Variants in PPP1R12A observed in about 807,000 individuals in gnomAD.
PPP1R12A encodes myosin binding subunit.
Under a neutral mutation model 139.6 loss-of-function variants are expected in PPP1R12A, and 19 were observed. The ratio of observed to expected loss-of-function variants is 0.14; its 90% CI spans 0.09 to 0.20. PPP1R12A has a LOEUF of 0.20. PPP1R12A is among the 10% of genes least tolerant of loss of function. PPP1R12A has a pLI of 1.00. For missense variants in PPP1R12A, 925 were observed against 1,211.5 expected (o/e 0.76, Z 3.51); for synonymous variants, 427 against 420.6 (o/e 1.02, Z -0.19).
intron 3 of PPP1R12A, among the ~76,000 whole-genome samples, chr12:79,833,651 C>G (rs1045563452): frequency 7.4e-6 from 1 of 135,768 alleles, no homozygotes; most frequent in Non-Finnish European, 1.6e-5. Flanking sequence ...ATGGTGACAC[C>G]CCGTCTCTAC....
Position 79,807,299 on chromosome 12 carries a change from A to G in PPP1R12A, c.1582T>C (p.Tyr528His). The change falls in exon 12 of 25, where the codon TAT (tyrosine) becomes CAT (histidine). Residue 528 changes from tyrosine to histidine, a missense_variant. This residue lies in a region of PPP1R12A where 403 missense variants were observed against 463.7 expected (regional missense o/e 0.87). Coordinates refer to ENST00000450142, the MANE Select transcript of PPP1R12A (RefSeq NM_002480.3). ...TCATCTTCCCATTTTCTCCTTGTAT[A>G]TGAACTACTTGTTCGCAAACTTGAA... is the stretch of plus-strand genomic sequence containing the variant. ...DSSSLRTSSS[Y>H]TRRKWEDDLK... 6.4e-7 allele frequency: 1 copy of G among 1,555,532 alleles called. No homozygotes were observed. Among genetic ancestry groups the G allele is most frequent in the Admixed American group, 1.9e-5 (1 of 51,476 alleles).
chr12:79,822,203 CA>C lies in PPP1R12A; in HGVS notation c.793-14del. On this transcript the variant is annotated splice_polypyrimidine_tract_variant and intron_variant, in intron 5 of 24. Coordinates refer to ENST00000450142, the MANE Select transcript of PPP1R12A (RefSeq NM_002480.3). The stretch of plus-strand genomic sequence containing the variant: ...AGGCTGTTTGGCCCTACGTAGGAAA[CA>C]AGGGGGGATGGTGATGGTCAAAAGT... 6.4e-7 allele frequency: 1 copy of C among 1,558,202 alleles called. No homozygotes were observed. Among genetic ancestry groups the C allele is most frequent in the South Asian group, 1.2e-5 (1 of 86,302 alleles).
At chr12:79,933,058 T>C (rs1888366329) in intron 1 of PPP1R12A, among the ~76,000 whole-genome samples, 1 of 152,184 alleles carries the variant, frequency 6.6e-6, no homozygotes, top group African/African-American at 2.4e-5. Flanking sequence ...TGCCAAAAGT[T>C]TCCTTCATTC....
chr12:79,898,959 C>T lies in PPP1R12A; in HGVS notation c.238-26021G>A, dbSNP rs912647146. ...ATTTTATTGTATGAAAATGTGCAAA[C>T]ATATAGCAAAGTTGAAAGAATTTTA... On this transcript the variant is annotated intron_variant, in intron 1 of 24. Transcript: ENST00000450142. 3.3e-5 allele frequency among the ~76,000 whole-genome samples: 5 copies of T among 152,018 alleles called. 1 individual carries two copies. Among genetic ancestry groups the T allele is most frequent in the Non-Finnish European group, 7.4e-5 (5 of 68,008 alleles).
rs562542223 is a variant in PPP1R12A at position 79,790,920 on chromosome 12, C to T, written c.2650-437G>A. Among the ~76,000 whole-genome samples, 20 of 152,152 alleles carry T rather than the reference C, an allele frequency of 1.3e-4. No homozygotes were observed. In the South Asian group the frequency reaches 4.2e-3, roughly 32 times the overall value. On this transcript the variant is annotated intron_variant, in intron 19 of 24. Coordinates refer to ENST00000450142, the MANE Select transcript of PPP1R12A (RefSeq NM_002480.3). The stretch of plus-strand genomic sequence containing the variant: ...TTCTTAATTTAAATATTAGTGATTT[C>T]CCATTATATTTATCTTTGGAGATAC...
intron 1 of PPP1R12A, among the ~76,000 whole-genome samples, chr12:79,890,789 T>C (rs1884512758): frequency 6.6e-6 from 1 of 151,828 alleles, no homozygotes; most frequent in African/African-American, 2.4e-5. Flanking sequence ...GACATAAGCA[T>C]ACACATAGAT....
At chr12:79,837,191 A>C (rs532105898) in intron 3 of PPP1R12A, among the ~76,000 whole-genome samples, 1 of 152,160 alleles carries the variant, frequency 6.6e-6, no homozygotes, top group Non-Finnish European at 1.5e-5. Context: ...AATAATATAT[A>C]ATAAAACTAA....
intron 1 of PPP1R12A, among the ~76,000 whole-genome samples, chr12:79,896,340 T>C (rs1336527691): frequency 6.6e-6 from 1 of 152,144 alleles, no homozygotes; most frequent in Non-Finnish European, 1.5e-5. Context: ...ATTTTATTTA[T>C]TTATTTGTTT....
At chr12:79,831,577 G>A (rs1270223281) in intron 4 of PPP1R12A, among the ~76,000 whole-genome samples, 1 of 152,068 alleles carries the variant, frequency 6.6e-6, no homozygotes, top group Non-Finnish European at 1.5e-5. Context: ...CTAATGAGTG[G>A]GAATAAGAAA....
At chr12:79,873,514 A>AC in intron 1 of PPP1R12A, among the ~76,000 whole-genome samples, 1 of 151,606 alleles carries the variant, frequency 6.6e-6, no homozygotes, top group Non-Finnish European at 1.5e-5. Context: ...AAAAAAAAAA[A>AC]ACATTGCTAA....
At chr12:79,857,797 T>C (rs577435363) in intron 2 of PPP1R12A, among the ~76,000 whole-genome samples, 5 of 152,086 alleles carry the variant, frequency 3.3e-5, no homozygotes, top group Non-Finnish European at 5.9e-5. Context: ...TCAAATCTCA[T>C]AGTGCCCAAT....
At chr12:79,927,961 G>C (rs758261753) in intron 1 of PPP1R12A, among the ~76,000 whole-genome samples, 88 of 152,280 alleles carry the variant, frequency 5.8e-4, no homozygotes, top group Non-Finnish European at 9.4e-4. Flanking sequence ...TTTGCAGGCA[G>C]AGGCAATGAA....
At chr12:79,900,083 T>C (rs1309185130) in intron 1 of PPP1R12A, among the ~76,000 whole-genome samples, 2 of 152,206 alleles carry the variant, frequency 1.3e-5, no homozygotes, top group African/African-American at 2.4e-5. Flanking sequence ...GCAGAATGCT[T>C]TGCACCTGCT....
Position 79,892,886 on chromosome 12 carries a change from T to C in PPP1R12A, c.238-19948A>G, listed in dbSNP as rs374746484. On this transcript the variant is annotated intron_variant, in intron 1 of 24. Transcript: ENST00000450142. Reference sequence around the variant, plus strand: ...TGGAAGGCCAAGGTGGGCGGATCACTTGAGGTTAAGAGTTCGAGACCAGCC... The same window carrying C: ...TGGAAGGCCAAGGTGGGCGGATCACCTGAGGTTAAGAGTTCGAGACCAGCC... Among the ~76,000 whole-genome samples, 91 of 152,204 alleles carry C rather than the reference T, an allele frequency of 6.0e-4. 2 individuals are homozygous for C. The highest frequency in any genetic ancestry group is 2.0e-3 in the African/African-American group (85 of 41,536).
At chr12:79,872,527 C>T (rs1262708446) in intron 2 of PPP1R12A, among the ~76,000 whole-genome samples, 1 of 151,984 alleles carries the variant, frequency 6.6e-6, no homozygotes, top group Non-Finnish European at 1.5e-5. Context: ...TTTGAAAATG[C>T]TCTAGCTGTA....
At chr12:79,815,328 A>G (rs1875213932) in intron 9 of PPP1R12A, among the ~76,000 whole-genome samples, 1 of 152,094 alleles carries the variant, frequency 6.6e-6, no homozygotes, top group African/African-American at 2.4e-5. Flanking sequence ...CAGGAGTTCG[A>G]GAATACCCTA....
chr12:79,862,605 AG>A (rs1881469670), intron 2 of PPP1R12A, among the ~76,000 whole-genome samples: 1 of 152,244 alleles, frequency 6.6e-6, no homozygotes, highest in South Asian at 2.1e-4. Context: ...TAGAATAACC[AG>A]TGTAGAGAAG....
chr12:79,787,513 ACTTT>A (rs1238400319), intron 21 of PPP1R12A: 2 of 151,036 alleles, frequency 1.3e-5, no homozygotes, highest in Non-Finnish European at 3.0e-5. Context: ...AAATCAATCC[ACTTT>A]CTTTTTTTTT....
chr12:79,779,522 C>T (rs938739121), intron 23 of PPP1R12A: 27 of 444,236 alleles, frequency 6.1e-5, no homozygotes, highest in Admixed American at 2.8e-5. Context: ...TCCTACTGAT[C>T]GTCTTTTAAG....
Sources: gnomAD v4.1 joint callset for allele counts (sites outside exome capture counted in the v4.1 genomes callset) on GRCh38, gnomAD v4.1.1 for gene constraint, gnomAD v4.1.1 regional missense constraint, MANE v1.5 for transcripts, NCBI Gene and HGNC (gene_info 2026-07-23, HGNC 2026-07-21) for gene names.